Variants in SEMA3E observed in about 807,000 individuals in gnomAD.
The protein encoded by SEMA3E is semaphorin 3E, also known as semaphorin-3E.
SEMA3E carries 49 observed loss-of-function variants against 93.6 expected under a neutral mutation model. That is an observed-to-expected ratio of 0.52 (90% CI 0.42 to 0.66). The LOEUF is 0.66. Ranked by LOEUF, SEMA3E falls within the 30% of genes least tolerant of loss-of-function variation. SEMA3E has a pLI of 0.00. For synonymous variants in SEMA3E, 363 were observed against 330.7 expected (o/e 1.10, Z -1.06); for missense variants, 906 against 964.8 (o/e 0.94, Z 0.81).
rs890353598 is a variant in SEMA3E at position 83,366,952 on chromosome 7, A to G, written c.*634T>C. 1 of 152,236 alleles carries G rather than the reference A, an allele frequency of 6.6e-6. No homozygotes were observed. Among genetic ancestry groups the G allele is most frequent in the African/African-American group, 2.4e-5 (1 of 41,454 alleles). The allele number at this position is 152,236 out of a possible 1,614,324, so 9.4% of individuals were successfully genotyped here. On this transcript the variant is annotated 3_prime_UTR_variant, in exon 17 of 17. Transcript: ENST00000643230. ...TATTTCCACAGTGAGTGAAAATTAA[A>G]GACTGTGTTATAAAGCAAAAATAGT...
intron 16 of SEMA3E, among the ~76,000 whole-genome samples, chr7:83,374,224 AAAAAGAC>A (rs1460763611): frequency 6.6e-6 from 1 of 151,238 alleles, no homozygotes; most frequent in Admixed American, 6.6e-5. Context: ...AAAAAAAAAA[AAAAAGAC>A]AGAAAGAAAG....
rs555447647 is a variant in SEMA3E at position 83,648,119 on chromosome 7, C to T, written c.115+309G>A. The stretch of plus-strand genomic sequence containing the variant: ...TTCAGCCTCTCAAGGCTATTTTCAA[C>T]CTGCTTCCTCCCTTCCTGTGTTCCG... On this transcript the variant is annotated intron_variant, in intron 1 of 16. Coordinates refer to ENST00000643230, the MANE Select transcript of SEMA3E (RefSeq NM_012431.3). 3.3e-5 allele frequency among the ~76,000 whole-genome samples: 5 copies of T among 152,268 alleles called. No individual in the cohort carries two copies. In the East Asian group the frequency reaches 9.7e-4, roughly 29 times the overall value.
chr7:83,487,715 G>GTA (rs1790296020), intron 2 of SEMA3E, among the ~76,000 whole-genome samples: 2 of 141,728 alleles, frequency 1.4e-5, no homozygotes, highest in Admixed American at 7.1e-5. Flanking sequence ...GTGTGTGTGT[G>GTA]TATTTTATAT....
intron 1 of SEMA3E, among the ~76,000 whole-genome samples, chr7:83,575,866 C>T (rs1056570503): frequency 1.3e-5 from 2 of 150,982 alleles, no homozygotes; most frequent in African/African-American, 2.5e-5. Context: ...AGTATAATTG[C>T]ATCAAACCTA....
intron 16 of SEMA3E, among the ~76,000 whole-genome samples, chr7:83,371,165 TGTTA>T (rs2116896778): frequency 6.6e-6 from 1 of 152,336 alleles, no homozygotes; most frequent in Admixed American, 6.5e-5. Flanking sequence ...TCAATCTCAG[TGTTA>T]GTGTTTATGT....
At chr7:83,422,353 C>A (rs559476168) in intron 4 of SEMA3E, among the ~76,000 whole-genome samples, 14 of 152,258 alleles carry the variant, frequency 9.2e-5, no homozygotes, top group Non-Finnish European at 1.9e-4. Flanking sequence ...TTTGTGTTTA[C>A]TTCCTGCAGA....
In SEMA3E at chr7:83,405,478, C is replaced by G. The variant is rs770011821; in HGVS notation, c.970G>C (p.Val324Leu). 1 of 1,612,900 alleles carries G rather than the reference C, an allele frequency of 6.2e-7. No homozygotes were observed. The highest frequency in any genetic ancestry group is 1.1e-5 in the South Asian group (1 of 91,064). ...GTAGTGTTAAAGAGTCCAAATATCA[C>G]TGGATTCTTATGATCTCTGGTAGGT... is the stretch of plus-strand genomic sequence containing the variant. ...LLPTRDHKNP[V>L]IFGLFNTTSN... Residue 324 changes from valine to leucine, a missense_variant, in exon 9 of 17, where the codon GTG (valine) becomes CTG (leucine). By Grantham distance (32) the Val-to-Leu change is conservative. Transcript: ENST00000643230.
chr7:83,491,158 G>A (rs1374187234), intron 1 of SEMA3E, among the ~76,000 whole-genome samples: 2 of 151,998 alleles, frequency 1.3e-5, no homozygotes, highest in Non-Finnish European at 2.9e-5. Context: ...TCTTAGTGAC[G>A]AGGACTCTAA....
intron 4 of SEMA3E, among the ~76,000 whole-genome samples, chr7:83,458,018 G>T (rs1404254441): frequency 1.3e-5 from 2 of 151,600 alleles, no homozygotes; most frequent in African/African-American, 2.4e-5. Flanking sequence ...TTATCGGATG[G>T]TCACCAGTTT....
At chr7:83,620,137 A>G (rs184708688) in intron 1 of SEMA3E, among the ~76,000 whole-genome samples, 1 of 152,036 alleles carries the variant, frequency 6.6e-6, no homozygotes, top group Admixed American at 6.6e-5. Flanking sequence ...AGTGATAGGA[A>G]TGAGGGATTT....
intron 1 of SEMA3E, among the ~76,000 whole-genome samples, chr7:83,604,470 A>C (rs2115994482): frequency 6.7e-6 from 1 of 149,962 alleles, no homozygotes; most frequent in Non-Finnish European, 1.5e-5. Flanking sequence ...AAAATTAACA[A>C]TTTTAAAAAT....
At chr7:83,509,881 T>C (rs527733209) in intron 1 of SEMA3E, among the ~76,000 whole-genome samples, 1 of 152,328 alleles carries the variant, frequency 6.6e-6, no homozygotes, top group Non-Finnish European at 1.5e-5. Context: ...AGTCCCTGGG[T>C]TCACAAGCTT....
At chr7:83,602,710 T>G (rs169994) in intron 1 of SEMA3E, among the ~76,000 whole-genome samples, 3,455 of 152,194 alleles carry the variant, frequency 0.023, 129 homozygotes, top group African/African-American at 0.079. Flanking sequence ...TCTCTTGACC[T>G]TGTGATCTGC....
chr7:83,460,039 C>T (rs2466441), intron 4 of SEMA3E, among the ~76,000 whole-genome samples: 89,938 of 151,788 alleles, frequency 0.59, 27,218 homozygotes, highest in East Asian at 0.87. Flanking sequence ...GGACTCAGCC[C>T]GCCTGCACCC....
At chr7:83,499,173 T>C (rs1308330043) in intron 1 of SEMA3E, among the ~76,000 whole-genome samples, 2 of 152,208 alleles carry the variant, frequency 1.3e-5, no homozygotes, top group South Asian at 2.1e-4. Context: ...TTACTACTAA[T>C]ACAGCACTGC....
chr7:83,385,132 G>A (rs904566166), intron 16 of SEMA3E, among the ~76,000 whole-genome samples, 162 bp downstream of exon 16: 2 of 150,860 alleles, frequency 1.3e-5, no homozygotes, highest in East Asian at 1.9e-4. Flanking sequence ...TTAAATTATT[G>A]TGTGTATATA....
intron 1 of SEMA3E, chr7:83,612,686 G>A (rs1793289476): frequency 6.6e-6 from 1 of 152,200 alleles, no homozygotes; most frequent in South Asian, 2.1e-4. Flanking sequence ...TTAAAGAACA[G>A]AGTGTTCTAC....
rs1015417857 is a variant in SEMA3E at position 83,368,091 on chromosome 7, A to G, written c.1876-53T>C. On this transcript the variant is annotated intron_variant, in intron 16 of 16. Coordinates refer to ENST00000643230, the MANE Select transcript of SEMA3E (RefSeq NM_012431.3). ...TGAAGTACACAGGAGAGAAAATAAC[A>G]ATCCATCACCCTTTCCACTACCTAT... 3 of 1,499,098 alleles carry G rather than the reference A, an allele frequency of 2.0e-6. No individual in the cohort carries two copies. In the African/African-American group the frequency reaches 4.1e-5, roughly 21 times the overall value. 92.9% of individuals were successfully genotyped at this position (1,499,098 alleles called of 1,614,324 possible). A position where few individuals can be genotyped will look rare whatever the true frequency, so the allele number is the denominator to read the frequency against.
intron 1 of SEMA3E, among the ~76,000 whole-genome samples, chr7:83,583,015 C>T (rs1018030209): frequency 5.3e-5 from 8 of 151,986 alleles, no homozygotes; most frequent in Non-Finnish European, 1.2e-4. Flanking sequence ...ATTATAGTAA[C>T]ATTACTTTTC....
Sources: allele counts gnomAD v4.1 joint callset (sites outside exome capture counted in the v4.1 genomes callset), GRCh38; gene constraint gnomAD v4.1.1; transcripts MANE v1.5; gene names NCBI Gene and HGNC (gene_info 2026-07-23, HGNC 2026-07-21).